Variants in PPIP5K2 observed in about 807,000 individuals in gnomAD.
The protein encoded by PPIP5K2 is inositol hexakisphosphate and diphosphoinositol-pentakisphosphate kinase 2.
PPIP5K2 carries 105 observed loss-of-function variants against 154.6 expected under a neutral mutation model. That is an observed-to-expected ratio of 0.68 (90% confidence interval 0.58 to 0.80). The LOEUF is 0.80. PPIP5K2 is among the 30% of genes least tolerant of loss of function. The pLI, the probability that PPIP5K2 is intolerant of heterozygous loss-of-function variation, is 0.00. For synonymous variants in PPIP5K2, 480 were observed against 490.3 expected, an observed-to-expected ratio of 0.98 and a Z score of 0.28; for missense variants, 992 against 1,504.6, an observed-to-expected ratio of 0.66 and a Z score of 5.64.
intron 30 of PPIP5K2, 121 bp from the exon 31 acceptor site, chr5:103,201,401 C>T: frequency 5.0e-6 from 3 of 604,516 alleles, no homozygotes; most frequent in Non-Finnish European, 8.4e-6. Flanking sequence ...TAAATTTTTA[C>T]ATTTCATTTA....
Position 103,158,491 on chromosome 5 carries a change from T to G in PPIP5K2, c.1655T>G (p.Leu552Ter). 1 of 1,612,422 alleles carries G rather than the reference T, an allele frequency of 6.2e-7. No homozygotes were observed. The highest frequency in any genetic ancestry group is 8.5e-7 in the Non-Finnish European group (1 of 1,179,554). The change falls in exon 16 of 31, where the codon TTA (leucine) becomes TGA (stop). Residue 552 changes from leucine to a stop codon, truncating the protein, a stop_gained. Transcript: ENST00000358359. LOFTEE classifies it high-confidence loss of function. ...AGFPGCGLLR[L>*]HSTYRHDLKI... ...TTTCCTGGTTGTGGTTTACTTAGAT[T>G]ACATAGCACCTACAGACATGACCTC... is the stretch of plus-strand genomic sequence containing the variant.
rs1469404339 is a variant in PPIP5K2 at position 103,210,163 on chromosome 5, G to A, written c.*8529G>A. The A allele has an allele frequency of 2.0e-5, 3 of 152,160 alleles. No individual in the cohort carries two copies. The highest frequency in any genetic ancestry group is 2.9e-5 in the Non-Finnish European group (2 of 68,018). 9.4% of individuals were successfully genotyped at this position (152,160 alleles called of 1,614,324 possible). ...GAAGCGAATGGAGTTGACTTCACCA[G>A]TGGGAAAAGCAATTACTTTTCAAAG... On this transcript the variant is annotated 3_prime_UTR_variant, in exon 31 of 31. Coordinates refer to ENST00000358359, the MANE Select transcript of PPIP5K2 (RefSeq NM_001276277.3).
intron 26 of PPIP5K2, among the ~76,000 whole-genome samples, chr5:103,186,000 T>C (rs1800312126): frequency 6.6e-6 from 1 of 152,010 alleles, no homozygotes; most frequent in Non-Finnish European, 1.5e-5. Context: ...TTGTCCTAAG[T>C]TATTTTTATG....
Position 103,197,028 on chromosome 5 carries a change from G to A in PPIP5K2, c.3619+2003G>A, listed in dbSNP as rs1802193982. 2.6e-5 allele frequency among the ~76,000 whole-genome samples: 4 copies of A among 152,164 alleles called. No individual in the cohort carries two copies. In the South Asian group the frequency reaches 8.3e-4, roughly 32 times the overall value. ...GGAAGGATCGACAGTACAATCAGAT[G>A]TGCCACGAAGTTAAGATAGAAAAAT... On this transcript the variant is annotated intron_variant, in intron 30 of 30. Transcript: ENST00000358359.
At chr5:103,127,190 T>C (rs1304179141) in intron 1 of PPIP5K2, among the ~76,000 whole-genome samples, 4 of 152,238 alleles carry the variant, frequency 2.6e-5, no homozygotes, top group Non-Finnish European at 2.9e-5. Flanking sequence ...AGTTTTAAAA[T>C]AATGTCATAA....
chr5:103,180,341 A>G (rs1208191285), intron 24 of PPIP5K2, among the ~76,000 whole-genome samples, 153 bp downstream of exon 24: 2 of 152,194 alleles, frequency 1.3e-5, no homozygotes, highest in Admixed American at 6.5e-5. Context: ...TACAAAAAAT[A>G]TAGAGGCAGT....
intron 29 of PPIP5K2, 54 bp from the exon 30 acceptor site, chr5:103,194,846 A>C: frequency 1.3e-6 from 2 of 1,559,026 alleles, no homozygotes; most frequent in Non-Finnish European, 1.7e-6. Flanking sequence ...TATGATGTTA[A>C]GAGATAATTG....
chr5:103,191,417 A>G (rs1801218666), intron 29 of PPIP5K2, among the ~76,000 whole-genome samples: 1 of 152,084 alleles, frequency 6.6e-6, no homozygotes, highest in Non-Finnish European at 1.5e-5. Context: ...TTAACTAAAG[A>G]CAGCAAATTA....
In PPIP5K2 at chr5:103,209,180, A is replaced by C. The variant is rs1250231283; in HGVS notation, c.*7546A>C. On this transcript the variant is annotated 3_prime_UTR_variant, in exon 31 of 31. Coordinates refer to ENST00000358359, the MANE Select transcript of PPIP5K2 (RefSeq NM_001276277.3). Reference sequence around the variant, plus strand: ...TTTTTGTTGTAATAGAGTTGTATATAGTCCAGATGTCAACCAGGCCTCTTC... The same window carrying C: ...TTTTTGTTGTAATAGAGTTGTATATCGTCCAGATGTCAACCAGGCCTCTTC... The C allele has an allele frequency of 6.6e-6, 1 of 152,202 alleles. No homozygotes were observed. Among genetic ancestry groups the C allele is most frequent in the Non-Finnish European group, 1.5e-5 (1 of 68,038 alleles). The allele number at this position is 152,202 out of a possible 1,614,324, so 9.4% of individuals were successfully genotyped here.
Position 103,202,729 on chromosome 5 carries a change from C to T in PPIP5K2, c.*1095C>T, listed in dbSNP as rs1803195423. ...TTATCCTTGGTGCTTTCCCCCCCACCAATGCACAAATAATTGTGAACAGCT... is the reference window on the plus strand; with the variant it reads ...TTATCCTTGGTGCTTTCCCCCCCACTAATGCACAAATAATTGTGAACAGCT... On this transcript the variant is annotated 3_prime_UTR_variant, in exon 31 of 31. Transcript: ENST00000358359. 6.6e-6 allele frequency: 1 copy of T among 152,086 alleles called. No homozygotes were observed. Among genetic ancestry groups the T allele is most frequent in the South Asian group, 2.1e-4 (1 of 4,826 alleles). The allele number at this position is 152,086 out of a possible 1,614,324, so 9.4% of individuals were successfully genotyped here.
intron 14 of PPIP5K2, 27 bp from the exon 15 acceptor site, chr5:103,158,161 T>C (rs1554214205): frequency 1.2e-6 from 2 of 1,603,874 alleles, no homozygotes; most frequent in East Asian, 2.2e-5. Flanking sequence ...ACTTAACATT[T>C]GTTTTATTCA....
chr5:103,149,006 G>T, intron 7 of PPIP5K2, 146 bp from the exon 8 acceptor site: 1 of 598,884 alleles, frequency 1.7e-6, no homozygotes, highest in Non-Finnish European at 2.7e-6. Context: ...TGAAAATTTG[G>T]GCATGTAAAA....
At chr5:103,192,895 T>A (rs1164515695) in intron 29 of PPIP5K2, among the ~76,000 whole-genome samples, 2 of 152,154 alleles carry the variant, frequency 1.3e-5, no homozygotes, top group Non-Finnish European at 2.9e-5. Context: ...GTAAATGTAC[T>A]TAATGTGGCT....
intron 1 of PPIP5K2, among the ~76,000 whole-genome samples, chr5:103,128,629 T>C (rs1207298842): frequency 6.6e-6 from 1 of 152,152 alleles, no homozygotes; most frequent in Non-Finnish European, 1.5e-5. Flanking sequence ...AGTTTGAATG[T>C]CAGTGAATCA....
At chr5:103,187,188 T>C in intron 27 of PPIP5K2, 126 bp from the exon 28 acceptor site, 1 of 623,358 alleles carries the variant, frequency 1.6e-6, no homozygotes, top group Non-Finnish European at 2.8e-6. Flanking sequence ...CTTATTACAT[T>C]CTCTCATTGT....
intron 1 of PPIP5K2, among the ~76,000 whole-genome samples, chr5:103,124,809 T>TA (rs1375677301): frequency 1.3e-5 from 2 of 152,192 alleles, no homozygotes; most frequent in African/African-American, 4.8e-5. Flanking sequence ...TTGGCATACT[T>TA]ACAATTCATT....
In PPIP5K2 at chr5:103,159,258, A is replaced by G. The variant is rs2149611875; in HGVS notation, c.1850A>G (p.Gln617Arg). The change falls in exon 17 of 31, where the codon CAA (glutamine) becomes CGA (arginine). Residue 617 changes from glutamine (Q) to arginine (R), a missense_variant. Gln to Arg is a conservative substitution (Grantham distance 43). Around this residue, in one of 9 missense-constraint regions of PPIP5K2, gnomAD observed 82 missense variants for 91.8 expected, o/e 0.89. Coordinates refer to ENST00000358359, the MANE Select transcript of PPIP5K2 (RefSeq NM_001276277.3). Reference protein sequence around the residue: ...SDSDSLSSCQQRVKARLHEIL... With the variant: ...SDSDSLSSCQRRVKARLHEIL... The stretch of plus-strand genomic sequence containing the variant: ...AGTGACTCTCTGAGCAGTTGTCAGC[A>G]ACGTGTGAAGGCAAGGCTTCATGAA... The G allele has an allele frequency of 1.2e-6, 2 of 1,613,646 alleles. No individual in the cohort carries two copies. Among genetic ancestry groups the G allele is most frequent in the Non-Finnish European group, 1.7e-6 (2 of 1,179,760 alleles).
In PPIP5K2 at chr5:103,158,193, C is replaced by T. The variant is rs782404128; in HGVS notation, c.1495C>T (p.Arg499Ter). Residue 499 changes from arginine to a stop codon, truncating the protein, a stop_gained, in exon 15 of 31, where the codon CGA becomes TGA. Transcript: ENST00000358359. LOFTEE classifies it high-confidence loss of function. ...PKTSSEEEDS[R>*]REEPSLLLVL... Reference sequence around the variant, plus strand: ...TTCATTCATATGTGTCATAGACAGCCGAAGAGAAGAACCATCTTTACTTTT... The same window carrying T: ...TTCATTCATATGTGTCATAGACAGCTGAAGAGAAGAACCATCTTTACTTTT... 17 of 1,612,736 alleles carry T rather than the reference C, an allele frequency of 1.1e-5. No homozygotes were observed. Among genetic ancestry groups the T allele is most frequent in the Non-Finnish European group, 1.4e-5 (17 of 1,178,880 alleles).
At chr5:103,170,042 T>C (rs1797740404) in intron 19 of PPIP5K2, among the ~76,000 whole-genome samples, 2 of 151,542 alleles carry the variant, frequency 1.3e-5, no homozygotes, top group Admixed American at 1.3e-4. Flanking sequence ...CTGTTTCCAT[T>C]ATATATACTA....
Sources: allele counts gnomAD v4.1 joint callset (sites outside exome capture counted in the v4.1 genomes callset), GRCh38; gene constraint gnomAD v4.1.1; regional missense constraint gnomAD v4.1.1; transcripts MANE v1.5; gene names NCBI Gene and HGNC (gene_info 2026-07-23, HGNC 2026-07-21).